The following CHAT variants were observed in gnomAD, a reference collection of about 807,000 sequenced individuals.
CHAT encodes the protein acetyl CoA:choline O-acetyltransferase.
In CHAT, 61 loss-of-function variants were observed where a neutral mutation model predicts 76.9. The ratio of observed to expected loss-of-function variants is 0.79; its 90% CI spans 0.65 to 0.98. The LOEUF (loss-of-function observed/expected upper bound fraction) is 0.98. Ranked by LOEUF, CHAT falls within the 50% of genes least tolerant of loss-of-function variation. CHAT has a pLI of 0.00. For synonymous variants in CHAT, 407 were observed against 397.4 expected (o/e 1.02, Z -0.29); for missense variants, 946 against 986.9 (o/e 0.96, Z 0.56).
intron 2 of CHAT, among the ~76,000 whole-genome samples, chr10:49,618,455 A>G (rs1313764745): frequency 3.3e-5 from 5 of 152,196 alleles, no homozygotes; most frequent in Non-Finnish European, 7.3e-5. Flanking sequence ...CTGCCTTCCT[A>G]TTGTCACTGG....
intron 7 of CHAT, among the ~76,000 whole-genome samples, chr10:49,635,170 A>C (rs530361965): frequency 2.0e-5 from 3 of 152,230 alleles, no homozygotes; most frequent in Non-Finnish European, 4.4e-5. Context: ...TATTATATAC[A>C]TGAAATCATA....
intron 7 of CHAT, among the ~76,000 whole-genome samples, chr10:49,630,281 G>A (rs1363065079): frequency 1.2e-4 from 18 of 152,200 alleles, no homozygotes; most frequent in African/African-American, 4.3e-4. Context: ...AGGATGCAAA[G>A]GGGATTGAGA....
upstream of CHAT, chr10:49,612,207 A>G: frequency 6.2e-7 from 1 of 1,609,060 alleles, no homozygotes; most frequent in Non-Finnish European, 8.5e-7. Flanking sequence ...TTGATGAGCC[A>G]CCGCAAGGTC....
chr10:49,618,224 A>G (rs995539388), intron 2 of CHAT, among the ~76,000 whole-genome samples: 2 of 152,194 alleles, frequency 1.3e-5, no homozygotes, highest in Non-Finnish European at 2.9e-5. Context: ...AGGTCCGGAG[A>G]TCAGCTAGAT....
rs1211190642 is a variant in CHAT, at chr10:49,646,647, C to T, written c.1254C>T (p.Ala418=). 6.2e-7 allele frequency: 1 copy of T among 1,614,038 alleles called. No individual in the cohort carries two copies. Among genetic ancestry groups the T allele is most frequent in the East Asian group, 2.2e-5 (1 of 44,880 alleles). ...GCGGAGGCTACAGCAAGAACGGGGC[C>T]AATCGCTGGTACGACAAGTCCCTGC... ...LHGGGYSKNG[A]NRWYDKSLQF... The change falls in exon 8 of 15, where the codon GCC becomes GCT. Residue 418 remains alanine, a synonymous_variant. Transcript: ENST00000337653.
intron 13 of CHAT, among the ~76,000 whole-genome samples, chr10:49,660,064 T>G (rs1840145339): frequency 6.6e-6 from 1 of 152,212 alleles, no homozygotes; most frequent in Non-Finnish European, 1.5e-5. Flanking sequence ...ATGCTGTATC[T>G]TGATCAAACT....
intron 4 of CHAT, 124 bp from the exon 5 acceptor site, chr10:49,621,973 A>AG: frequency 1.0e-6 from 1 of 998,060 alleles, no homozygotes; most frequent in African/African-American, 1.6e-5. Flanking sequence ...GGAGGGAGGG[A>AG]GAAGGGAGGG....
At chr10:49,658,916 A>C (rs1240712240) in intron 13 of CHAT, among the ~76,000 whole-genome samples, 1 of 152,238 alleles carries the variant, frequency 6.6e-6, no homozygotes, top group Non-Finnish European at 1.5e-5. Flanking sequence ...ATTAGAAGAT[A>C]ATCTGAGATA....
At chr10:49,648,109 T>C (rs1418085371) in intron 8 of CHAT, 1 of 292,992 alleles carries the variant, frequency 3.4e-6, no homozygotes, top group Non-Finnish European at 6.6e-6. Flanking sequence ...AGATCCAGCC[T>C]CTGGCACACA....
At chr10:49,638,221 A>G (rs115249861) in intron 7 of CHAT, among the ~76,000 whole-genome samples, 32 of 152,196 alleles carry the variant, frequency 2.1e-4, no homozygotes, top group Admixed American at 2.1e-3. Flanking sequence ...TCTTTGCTCT[A>G]AAGTGTACTT....
chr10:49,617,416 GC>G (rs1273870277), intron 2 of CHAT, among the ~76,000 whole-genome samples: 1 of 152,184 alleles, frequency 6.6e-6, no homozygotes, highest in Admixed American at 6.5e-5. Context: ...CACATGAACT[GC>G]CCAGGAAACA....
In CHAT at chr10:49,625,639, G is replaced by A. The variant is rs776785129; in HGVS notation, c.919G>A (p.Ala307Thr). Reference protein sequence around the residue: ...IMPEPEHVIVACCNQFFVLDV... With the variant: ...IMPEPEHVIVTCCNQFFVLDV... ...GCCGGAGCCTGAGCACGTCATCGTAGCCTGCTGCAATCAGGTAAGCAACCC... is the reference window on the plus strand; with the variant it reads ...GCCGGAGCCTGAGCACGTCATCGTAACCTGCTGCAATCAGGTAAGCAACCC... Residue 307 changes from alanine to threonine, a missense_variant, in exon 6 of 15, where the codon GCC becomes ACC. By Grantham distance (58) the Ala-to-Thr change is moderately conservative. Around this residue, in one of 3 missense-constraint regions of CHAT, gnomAD observed 548 missense variants for 516.2 expected, o/e 1.06. Coordinates refer to ENST00000337653, the MANE Select transcript of CHAT (RefSeq NM_020549.5). 1 of 1,573,316 alleles carries A rather than the reference G, an allele frequency of 6.4e-7. No homozygotes were observed. The highest frequency in any genetic ancestry group is 1.9e-5 in the Admixed American group (1 of 53,738).
chr10:49,610,800 T>C (rs1352245802), upstream of CHAT: 7 of 1,591,340 alleles, frequency 4.4e-6, no homozygotes, highest in African/African-American at 9.4e-5. Flanking sequence ...TGTCGGAGGC[T>C]GTGGGCGCGG....
chr10:49,636,611 A>G (rs1469352697), intron 7 of CHAT, among the ~76,000 whole-genome samples: 1 of 152,094 alleles, frequency 6.6e-6, no homozygotes, highest in Non-Finnish European at 1.5e-5. Flanking sequence ...TCTTCCTTAA[A>G]TGTTTGGTAG....
intron 1 of CHAT, among the ~76,000 whole-genome samples, chr10:49,615,159 G>C (rs1331155505): frequency 6.6e-6 from 1 of 152,102 alleles, no homozygotes; most frequent in Non-Finnish European, 1.5e-5. Context: ...TCCCGAATGG[G>C]GGGGAGGGGG....
chr10:49,652,967 T>G (rs1465678142), intron 11 of CHAT, among the ~76,000 whole-genome samples: 1 of 152,222 alleles, frequency 6.6e-6, no homozygotes, highest in East Asian at 1.9e-4. Flanking sequence ...TGCCACCCAT[T>G]CTCTGTCATA....
At chr10:49,612,618 G>C (rs769292743), upstream of CHAT, 1 of 429,822 alleles carries the variant, frequency 2.3e-6, no homozygotes, top group African/African-American at 2.0e-5. Context: ...CCTGTGTAGA[G>C]CCTGCATCTG....
intron 10 of CHAT, 22 bp downstream of exon 10, chr10:49,649,658 T>C (rs919974626): frequency 6.2e-7 from 1 of 1,613,408 alleles, no homozygotes; most frequent in Non-Finnish European, 8.5e-7. Context: ...CGAAGTCTCC[T>C]TTGAGGGGTC....
chr10:49,659,866 GTAAA>G (rs1330495584), intron 13 of CHAT, among the ~76,000 whole-genome samples: 2 of 151,636 alleles, frequency 1.3e-5, no homozygotes, highest in Non-Finnish European at 2.9e-5. Context: ...CATCTCAAAA[GTAAA>G]TAAATAAATA....
Sources: gnomAD v4.1 joint callset for allele counts (sites outside exome capture counted in the v4.1 genomes callset) on GRCh38, gnomAD v4.1.1 for gene constraint, gnomAD v4.1.1 regional missense constraint, MANE v1.5 for transcripts, NCBI Gene and HGNC (gene_info 2026-07-23, HGNC 2026-07-21) for gene names.